Variants in PPFIA4 observed in about 807,000 individuals in gnomAD.
The protein encoded by PPFIA4 is PPFI scaffold protein A4, also known as liprin-alpha-4.
In PPFIA4, 98 loss-of-function variants were observed where a neutral mutation model predicts 145.7. The observed-to-expected ratio is 0.67, with a 90% confidence interval of 0.57 to 0.80. The LOEUF (loss-of-function observed/expected upper bound fraction) is 0.80. Ranked by LOEUF, PPFIA4 falls within the 30% of genes least tolerant of loss-of-function variation. The probability of loss-of-function intolerance (pLI) is 0.00; values close to 1 mark genes in which losing one functional copy is unlikely to be tolerated. For missense variants in PPFIA4, 1,457 were observed against 1,632.7 expected (o/e 0.89, Z 1.85); for synonymous variants, 628 against 649.6 (o/e 0.97, Z 0.51).
At chr1:203,035,130 C>T in intron 1 of PPFIA4, 1 of 356,508 alleles carries the variant, frequency 2.8e-6, no homozygotes, top group Non-Finnish European at 5.6e-6. Flanking sequence ...TCTTCAGATC[C>T]TCCTCTCACC....
At chr1:203,064,793 A>T (rs1661620057) in intron 25 of PPFIA4, among the ~76,000 whole-genome samples, 1 of 152,222 alleles carries the variant, frequency 6.6e-6, no homozygotes, top group Non-Finnish European at 1.5e-5. Context: ...GGCCTGCTCC[A>T]GGGCCTCCCA....
intron 28 of PPFIA4, among the ~76,000 whole-genome samples, chr1:203,074,339 A>C (rs1662372053): frequency 6.6e-6 from 1 of 152,150 alleles, no homozygotes; most frequent in Non-Finnish European, 1.5e-5. Context: ...ACTGTATTGA[A>C]TACTGTTGGC....
intron 2 of PPFIA4, among the ~76,000 whole-genome samples, chr1:203,039,455 T>C (rs1659547321): frequency 6.6e-6 from 1 of 152,138 alleles, no homozygotes; most frequent in Non-Finnish European, 1.5e-5. Flanking sequence ...TTGATGTGGG[T>C]AGAAAAACGC....
At position 203,048,284 on chromosome 1, in the gene PPFIA4, G is replaced by A. The variant is rs1267675876; in HGVS notation, c.1198G>A (p.Glu400Lys). The stretch of plus-strand genomic sequence containing the variant: ...CCTGCGGCAGCTGGAGGGACAGCTG[G>A]AGGAGAAGAACCAGGAGCTGGCACG... ...EHLRQLEGQL[E>K]EKNQELARVR... Residue 400 changes from glutamate (E) to lysine (K), a missense_variant, in exon 10 of 30, where the codon GAG (glutamate) becomes AAG (lysine). Transcript: ENST00000295706. This position sits in a 1 kb window ranked among gnomAD's most constrained non-coding sequence, Gnocchi z 5.8. The A allele has an allele frequency of 2.5e-6, 4 of 1,612,662 alleles. No homozygotes were observed. Among genetic ancestry groups the A allele is most frequent in the Non-Finnish European group, 3.4e-6 (4 of 1,179,844 alleles).
At position 203,053,812 on chromosome 1, in the gene PPFIA4, C is replaced by T. The variant is rs774875709; in HGVS notation, c.1680C>T (p.Asp560=). 1 of 1,553,262 alleles carries T rather than the reference C, an allele frequency of 6.4e-7. No homozygotes were observed. The highest frequency in any genetic ancestry group is 8.7e-7 in the Non-Finnish European group (1 of 1,147,918). Residue 560 remains aspartate (D), a synonymous_variant, in exon 15 of 30, where the codon GAC becomes GAT. Coordinates refer to ENST00000295706, the MANE Select transcript of PPFIA4 (RefSeq NM_001304331.2). ...CCCCGGCAGCTGGCCCTGCCTTTGA[C>T]AGTGACCCTGAGATCTCCGACGTGG... ...MLAPAAGPAF[D]SDPEISDVDE...
At position 203,057,075 on chromosome 1, in the gene PPFIA4, T is replaced by G. The variant is rs903362; in HGVS notation, c.2407+125T>G. 1 allele frequency: 1,516,259 copies of G among 1,517,432 alleles called. 757,552 individuals carry two copies. The highest frequency in any genetic ancestry group is 1 in the East Asian group (43,363 of 43,364). The allele number at this position is 1,517,432 out of a possible 1,614,324, so 94.0% of individuals were successfully genotyped here. A position where few individuals can be genotyped will look rare whatever the true frequency, so the allele number is the denominator to read the frequency against. The stretch of plus-strand genomic sequence containing the variant: ...CAGTTGGGGGAAGCCCCAGGCAGGT[T>G]ACCTCAGATCTGCAGAAGCAGTTTT... On this transcript the variant is annotated intron_variant, in intron 19 of 29. Coordinates refer to ENST00000295706, the MANE Select transcript of PPFIA4 (RefSeq NM_001304331.2).
At chr1:203,047,084 G>A (rs1276760592) in intron 9 of PPFIA4, among the ~76,000 whole-genome samples, 2 of 152,130 alleles carry the variant, frequency 1.3e-5, no homozygotes, top group African/African-American at 2.4e-5. Context: ...TGGGATCTTC[G>A]AACCCGTGGC....
intron 1 of PPFIA4, among the ~76,000 whole-genome samples, chr1:203,032,041 CGTGTGTGT>C (rs66626205): frequency 6.8e-6 from 1 of 146,348 alleles, no homozygotes; most frequent in Admixed American, 6.8e-5. Flanking sequence ...TCTGAGAGAA[CGTGTGTGT>C]GTGTGTGTGT....
intron 28 of PPFIA4, among the ~76,000 whole-genome samples, chr1:203,074,570 C>T (rs35500114): frequency 0.06 from 9,127 of 152,042 alleles, 290 homozygotes; most frequent in East Asian, 0.097. Context: ...AGCATTTGAC[C>T]CACTTGGCAC....
chr1:203,061,133 C>T (rs17508518), intron 23 of PPFIA4, 101 bp downstream of exon 23: 28,153 of 1,107,142 alleles, frequency 0.025, 485 homozygotes, highest in Non-Finnish European at 0.032. Flanking sequence ...GGGCTGCCAT[C>T]GATCTCACGT....
Position 203,048,556 on chromosome 1 carries a change from C to T in PPFIA4, c.1225-27C>T. 6.4e-7 allele frequency: 1 copy of T among 1,561,988 alleles called. No individual in the cohort carries two copies. The highest frequency in any genetic ancestry group is 8.7e-7 in the Non-Finnish European group (1 of 1,154,142). Reference sequence around the variant, plus strand: ...AGGGTGGTCCTCCCTGGGAGGGCGGCCTGGTGCGAGGCAGACGGCTGTGCA... The same window carrying T: ...AGGGTGGTCCTCCCTGGGAGGGCGGTCTGGTGCGAGGCAGACGGCTGTGCA... On this transcript the variant is annotated intron_variant, in intron 10 of 29. Coordinates refer to ENST00000295706, the MANE Select transcript of PPFIA4 (RefSeq NM_001304331.2). The surrounding 1 kb of genome is among the most constrained non-coding windows in gnomAD (Gnocchi z 5.8).
At chr1:203,046,187 G>T (rs1229674627) in intron 8 of PPFIA4, 61 bp from the exon 9 acceptor site, 1 of 1,546,244 alleles carries the variant, frequency 6.5e-7, no homozygotes, top group East Asian at 2.4e-5. Flanking sequence ...GCTGAGGCTG[G>T]GGTGGGGGTG....
chr1:203,042,723 G>A (rs938262332), intron 2 of PPFIA4, among the ~76,000 whole-genome samples: 2 of 152,244 alleles, frequency 1.3e-5, no homozygotes, highest in South Asian at 4.1e-4. Context: ...TGCAACCTCC[G>A]CCTCCCGGGT....
In PPFIA4 at chr1:203,061,037, G is replaced by C. The variant is rs1483871098; in HGVS notation, c.2847+5G>C. On this transcript the variant is annotated splice_donor_5th_base_variant and intron_variant, in intron 23 of 29. Coordinates refer to ENST00000295706, the MANE Select transcript of PPFIA4 (RefSeq NM_001304331.2). ...CTGGAAACATCTACTAAAACAGTGAGTCTGGCCCTTGGCCTTTGTCCCTGG... is the reference window on the plus strand; with the variant it reads ...CTGGAAACATCTACTAAAACAGTGACTCTGGCCCTTGGCCTTTGTCCCTGG... 6.2e-7 allele frequency: 1 copy of C among 1,613,946 alleles called. No individual in the cohort carries two copies. The highest frequency in any genetic ancestry group is 1.1e-5 in the South Asian group (1 of 91,082).
chr1:203,054,163 C>T (rs1371096464), intron 15 of PPFIA4: 2 of 715,540 alleles, frequency 2.8e-6, no homozygotes, highest in Non-Finnish European at 2.5e-6. Flanking sequence ...TCAGGCTTCA[C>T]CTCCCCTCTC....
In PPFIA4 at chr1:203,075,721, C is replaced by T. The variant is rs746416303; in HGVS notation, c.3538C>T (p.Pro1180Ser). ...TGTGTCCACCCTGGGGACCCTGCAG[C>T]CCCCACCGGCCCCGCCAAAGAAGAT... Reference protein sequence around the residue: ...FRVSTLGTLQPPPAPPKKIMP... With the variant: ...FRVSTLGTLQSPPAPPKKIMP... The change falls in exon 29 of 30, where the codon CCC (proline) becomes TCC (serine). Residue 1180 changes from proline (P) to serine (S), a missense_variant. Physicochemically the swap from Pro to Ser is moderately conservative, Grantham distance 74. This residue lies in a region of PPFIA4 where 146 missense variants were observed against 126.2 expected (regional missense o/e 1.16). Transcript: ENST00000295706. This position sits in a 1 kb window ranked among gnomAD's most constrained non-coding sequence, Gnocchi z 4.1. 3.6e-6 allele frequency: 5 copies of T among 1,392,562 alleles called. No individual in the cohort carries two copies. Among genetic ancestry groups the T allele is most frequent in the Non-Finnish European group, 4.7e-6 (5 of 1,067,214 alleles). 86.3% of individuals were successfully genotyped at this position (1,392,562 alleles called of 1,614,324 possible).
intron 1 of PPFIA4, among the ~76,000 whole-genome samples, chr1:203,030,763 A>G (rs763200080): frequency 2.6e-5 from 4 of 152,194 alleles, no homozygotes; most frequent in Non-Finnish European, 4.4e-5. Context: ...TCACACACGC[A>G]TACTTGCACA....
In PPFIA4 at chr1:203,038,986, A is replaced by T; in HGVS notation, c.-23A>T. The T allele has an allele frequency of 7.5e-7, 1 of 1,334,200 alleles. No individual in the cohort carries two copies. Among genetic ancestry groups the T allele is most frequent in the Non-Finnish European group, 1.0e-6 (1 of 972,048 alleles). The allele number at this position is 1,334,200 out of a possible 1,614,324, so 82.6% of individuals were successfully genotyped here. The stretch of plus-strand genomic sequence containing the variant: ...AGTCCCTCCCTGTCCCCTGACGCTG[A>T]GAAGGCCCTGCCAACCCCCACCATG... On this transcript the variant is annotated 5_prime_UTR_variant, in exon 2 of 30. Coordinates refer to ENST00000295706, the MANE Select transcript of PPFIA4 (RefSeq NM_001304331.2).
At chr1:203,036,468 C>G (rs1335543069) in intron 1 of PPFIA4, among the ~76,000 whole-genome samples, 1 of 152,286 alleles carries the variant, frequency 6.6e-6, no homozygotes, top group East Asian at 1.9e-4. Context: ...ACAGTCTTCT[C>G]CAAAGTTAGC....
Sources: gnomAD v4.1 joint callset for allele counts (sites outside exome capture counted in the v4.1 genomes callset) on GRCh38, gnomAD v4.1.1 for gene constraint, gnomAD v4.1.1 regional missense constraint, Gnocchi (gnomAD v3.1) non-coding constraint, MANE v1.5 for transcripts, NCBI Gene and HGNC (gene_info 2026-07-23, HGNC 2026-07-21) for gene names.